TUSC3: variants seen among roughly 807,000 people sequenced by gnomAD.
The protein encoded by TUSC3 is dolichyl-diphosphooligosaccharide--protein glycosyltransferase subunit TUSC3.
In TUSC3, 45 loss-of-function variants were observed where a neutral mutation model predicts 44.8. The ratio of observed to expected loss-of-function variants is 1.00; its 90% CI spans 0.79 to 1.29. TUSC3 has a LOEUF of 1.29. TUSC3 is among the 50% of genes most tolerant of loss of function. The pLI is 0.00. For synonymous variants in TUSC3, 212 were observed against 152.9 expected, an observed-to-expected ratio of 1.39 and a Z score of -2.85; for missense variants, 519 against 437.9, an observed-to-expected ratio of 1.19 and a Z score of -1.65.
At chr8:15,579,135 T>C (rs1187049742) in intron 1 of TUSC3, among the ~76,000 whole-genome samples, 1 of 151,950 alleles carries the variant, frequency 6.6e-6, no homozygotes, top group Non-Finnish European at 1.5e-5. Flanking sequence ...TGATATTAGT[T>C]TGTATTTCTG....
At chr8:15,516,866 T>C (rs1304271060) in intron 2 of TUSC3, among the ~76,000 whole-genome samples, 1 of 152,226 alleles carries the variant, frequency 6.6e-6, no homozygotes, top group Admixed American at 6.5e-5. Flanking sequence ...TACAGTAGTA[T>C]AAATATTAGA....
intron 2 of TUSC3, among the ~76,000 whole-genome samples, chr8:15,502,062 T>C (rs1800973918): frequency 6.6e-6 from 1 of 152,226 alleles, no homozygotes; most frequent in Non-Finnish European, 1.5e-5. Flanking sequence ...CCATCACTTA[T>C]GTGTTATCAC....
intron 8 of TUSC3, 141 bp downstream of exon 8, chr8:15,743,753 A>G (rs761531138): frequency 5.6e-5 from 52 of 926,652 alleles, no homozygotes; most frequent in Non-Finnish European, 7.6e-5. Flanking sequence ...ACTTTTTTCT[A>G]TTGCTGGGAT....
chr8:15,702,573 A>C (rs994002068), intron 6 of TUSC3, among the ~76,000 whole-genome samples: 9 of 151,988 alleles, frequency 5.9e-5, no homozygotes, highest in Non-Finnish European at 1.2e-4. Flanking sequence ...CTCTTTCAGC[A>C]GTCATCATGC....
chr8:15,663,925 C>G (rs530619740), intron 5 of TUSC3, among the ~76,000 whole-genome samples: 189 of 151,864 alleles, frequency 1.2e-3, no homozygotes, highest in African/African-American at 4.3e-3. Context: ...AATGTCATAT[C>G]AAATCTTGTC....
intron 1 of TUSC3, among the ~76,000 whole-genome samples, chr8:15,424,169 A>C (rs1799776960): frequency 6.6e-6 from 1 of 151,144 alleles, no homozygotes; most frequent in African/African-American, 2.4e-5. Flanking sequence ...TTGTATTTTT[A>C]GTATAGAGGG....
intron 9 of TUSC3, among the ~76,000 whole-genome samples, chr8:15,757,280 C>A (rs1431765174): frequency 6.6e-6 from 1 of 152,092 alleles, no homozygotes; most frequent in Non-Finnish European, 1.5e-5. Flanking sequence ...CTGATAGTTT[C>A]TAATGTCGTT....
chr8:15,595,604 A>C (rs1043268468), intron 1 of TUSC3, among the ~76,000 whole-genome samples: 1 of 152,236 alleles, frequency 6.6e-6, no homozygotes, highest in Middle Eastern at 3.4e-3. Flanking sequence ...CGGGTGGGCA[A>C]ATCAGTCGCT....
chr8:15,627,774 C>T (rs1011839459), intron 2 of TUSC3, among the ~76,000 whole-genome samples: 3 of 152,264 alleles, frequency 2.0e-5, no homozygotes, highest in African/African-American at 7.2e-5. Context: ...CTCTAGCCAG[C>T]ATGCCTGGCT....
At chr8:15,638,208 T>A (rs1435081450) in intron 2 of TUSC3, among the ~76,000 whole-genome samples, 1 of 143,242 alleles carries the variant, frequency 7.0e-6, no homozygotes, top group Admixed American at 6.9e-5. Flanking sequence ...CTCGTACCCC[T>A]TTTTCCCTGT....
Position 15,576,276 on chromosome 8 carries a change from CTT to C in TUSC3, c.138+35709_138+35710del, listed in dbSNP as rs1469648762. Reference sequence around the variant, plus strand: ...TTCTTTTTTTTTTTTTCTTGGTCCTCTTGTTTTTTTTTTTTATTTTTTTATTT... The same window carrying C: ...TTCTTTTTTTTTTTTTCTTGGTCCTCGTTTTTTTTTTTTATTTTTTTATTT... On this transcript the variant is annotated intron_variant, in intron 1 of 10. Transcript: ENST00000503731. 1.6e-4 allele frequency among the ~76,000 whole-genome samples: 16 copies of C among 100,070 alleles called. No individual in the cohort carries two copies. In the South Asian group the frequency reaches 2.2e-3, roughly 14 times the overall value. 65.6% of individuals were successfully genotyped at this position (100,070 alleles called of 152,430 possible). A position where few individuals can be genotyped will look rare whatever the true frequency, so the allele number is the denominator to read the frequency against.
chr8:15,770,500 T>C (rs1296794670), downstream of TUSC3, among the ~76,000 whole-genome samples: 3 of 152,264 alleles, frequency 2.0e-5, no homozygotes, highest in African/African-American at 7.2e-5. Context: ...GGCATGTGTA[T>C]ACCTCTGTAA....
At chr8:15,719,517 CACACACACACACACACACA>C (rs1469095337) in intron 6 of TUSC3, among the ~76,000 whole-genome samples, 3 of 5,746 alleles carry the variant, frequency 5.2e-4, no homozygotes, top group Non-Finnish European at 1.5e-3. Context: ...ACACACACAC[CACACACACACACACACACA>C]CACACACACA....
At chr8:15,460,202 G>A (rs1033442696) in intron 1 of TUSC3, among the ~76,000 whole-genome samples, 3 of 151,960 alleles carry the variant, frequency 2.0e-5, no homozygotes, top group Non-Finnish European at 2.9e-5. Flanking sequence ...AACATCTACT[G>A]CTTTTTGATT....
chr8:15,836,289 A>T, the TUSC3 span, among the ~76,000 whole-genome samples: 1 of 151,416 alleles, frequency 6.6e-6, no homozygotes, highest in Non-Finnish European at 1.5e-5. Flanking sequence ...AAGCCTGACC[A>T]TTGTGGTGAA....
intron 1 of TUSC3, among the ~76,000 whole-genome samples, chr8:15,599,167 T>C (rs1804181332): frequency 6.6e-6 from 1 of 151,878 alleles, no homozygotes; most frequent in Admixed American, 6.6e-5. Context: ...TAATTTGCAT[T>C]TCCCGATGAC....
downstream of TUSC3, among the ~76,000 whole-genome samples, chr8:15,770,163 A>G (rs547618286): frequency 1.2e-3 from 182 of 152,308 alleles, no homozygotes; most frequent in Middle Eastern, 0.014. Context: ...AACCAACCCA[A>G]ATGTCCATCA....
chr8:15,461,137 G>C (rs1800339048), intron 1 of TUSC3, among the ~76,000 whole-genome samples: 1 of 152,060 alleles, frequency 6.6e-6, no homozygotes, highest in Admixed American at 6.6e-5. Context: ...CATTTTCACA[G>C]TACTGACTCT....
chr8:15,844,316 C>T, the TUSC3 span, among the ~76,000 whole-genome samples: 1,355 of 152,186 alleles, frequency 8.9e-3, 27 homozygotes, highest in African/African-American at 0.031. Flanking sequence ...ATTTAGTATG[C>T]GTTGGGCACT....
Sources: allele counts gnomAD v4.1 joint callset (sites outside exome capture counted in the v4.1 genomes callset), GRCh38; gene constraint gnomAD v4.1.1; transcripts MANE v1.5; gene names NCBI Gene and HGNC (gene_info 2026-07-23, HGNC 2026-07-21).